Variants in SLC35E2B observed in about 807,000 individuals in gnomAD.
The protein encoded by SLC35E2B is solute carrier family 35, member E2B.
A neutral mutation model predicts 32.4 loss-of-function variants in SLC35E2B; 18 were observed. That is an observed-to-expected ratio of 0.56 (90% confidence interval 0.38 to 0.82). The LOEUF is 0.82. SLC35E2B is among the 40% of genes least tolerant of loss of function. The pLI, the probability that SLC35E2B is intolerant of heterozygous loss-of-function variation, is 0.00. For synonymous variants in SLC35E2B, 132 were observed against 209.1 expected, an observed-to-expected ratio of 0.63 and a Z score of 3.18; for missense variants, 263 against 469.5, an observed-to-expected ratio of 0.56 and a Z score of 4.06.
At chr1:1,680,630 G>A (rs545185889) in intron 2 of SLC35E2B, among the ~76,000 whole-genome samples, 62 of 152,180 alleles carry the variant, frequency 4.1e-4, no homozygotes, top group African/African-American at 9.4e-4. Context: ...TTGAGCCCAC[G>A]TGGTCCCGGG....
chr1:1,665,930 G>C lies in SLC35E2B; in HGVS notation c.1070C>G (p.Thr357Arg). ...CAGGACCCCAACGGTCACCAGGGCTGTGCCAACGGCCGACAAGCTGGTGAT... is the reference window on the plus strand; with the variant it reads ...CAGGACCCCAACGGTCACCAGGGCTCTGCCAACGGCCGACAAGCTGGTGAT... ...NKITSLSAVG[T>R]ALVTVGVLLY... The change falls in exon 10 of 10, where the codon ACA becomes AGA. Residue 357 changes from threonine to arginine, a missense_variant. Transcript: ENST00000617444. 6.4e-7 allele frequency: 1 copy of C among 1,551,486 alleles called. No individual in the cohort carries two copies. The highest frequency in any genetic ancestry group is 8.7e-7 in the Non-Finnish European group (1 of 1,146,982).
intron 2 of SLC35E2B, among the ~76,000 whole-genome samples, chr1:1,677,737 C>T (rs180962398): frequency 2.6e-5 from 4 of 151,898 alleles, no homozygotes; most frequent in African/African-American, 7.3e-5. Flanking sequence ...CCGCCCACCT[C>T]GGCCTCCTAA....
Position 1,663,265 on chromosome 1 carries a change from G to A in SLC35E2B, c.*2517C>T. 1 of 980,654 alleles carries A rather than the reference G, an allele frequency of 1.0e-6. No individual in the cohort carries two copies. The highest frequency in any genetic ancestry group is 1.2e-6 in the Non-Finnish European group (1 of 826,584). The allele number at this position is 980,654 out of a possible 1,614,324, so 60.7% of individuals were successfully genotyped here. A position where few individuals can be genotyped will look rare whatever the true frequency, so the allele number is the denominator to read the frequency against. Reference sequence around the variant, plus strand: ...AACAGGATGGCAGCTCCTTGTGAGGGTGGAGGGGAGGGCACCAGATGCTGT... The same window carrying A: ...AACAGGATGGCAGCTCCTTGTGAGGATGGAGGGGAGGGCACCAGATGCTGT... On this transcript the variant is annotated 3_prime_UTR_variant, in exon 10 of 10. Transcript: ENST00000617444.
At chr1:1,689,338 G>C (rs1330875761) in intron 2 of SLC35E2B, among the ~76,000 whole-genome samples, 1 of 151,830 alleles carries the variant, frequency 6.6e-6, no homozygotes, top group Non-Finnish European at 1.5e-5. Flanking sequence ...GCGACAATTA[G>C]TAACACTGAC....
chr1:1,673,494 C>T (rs1384501545), intron 5 of SLC35E2B: 1 of 247,888 alleles, frequency 4.0e-6, no homozygotes, highest in Non-Finnish European at 8.1e-6. Flanking sequence ...ATGGTGAAAC[C>T]CCATCTCTAC....
intron 2 of SLC35E2B, among the ~76,000 whole-genome samples, chr1:1,683,264 G>C (rs934873892): frequency 1.6e-4 from 24 of 152,210 alleles, no homozygotes; most frequent in Admixed American, 1.4e-3. Flanking sequence ...CCTGGGGAGA[G>C]TGCCAGGTCC....
At chr1:1,684,552 G>T (rs1643928118) in intron 2 of SLC35E2B, among the ~76,000 whole-genome samples, 1 of 152,114 alleles carries the variant, frequency 6.6e-6, no homozygotes, top group African/African-American at 2.4e-5. Context: ...AGCACTGTGG[G>T]AGGCCGAGGC....
At chr1:1,688,365 G>T (rs977264220) in intron 2 of SLC35E2B, among the ~76,000 whole-genome samples, 1 of 152,112 alleles carries the variant, frequency 6.6e-6, no homozygotes, top group Non-Finnish European at 1.5e-5. Flanking sequence ...CCAGCACTTT[G>T]GGAGGCTGAG....
intron 9 of SLC35E2B, among the ~76,000 whole-genome samples, 187 bp from the exon 10 acceptor site, chr1:1,666,206 T>C (rs986826210): frequency 6.6e-6 from 1 of 151,334 alleles, no homozygotes; most frequent in Non-Finnish European, 1.5e-5. Flanking sequence ...GGGGCGGGGG[T>C]GCTCAACGGG....
intron 2 of SLC35E2B, among the ~76,000 whole-genome samples, chr1:1,678,528 C>A (rs1414081422): frequency 6.6e-6 from 1 of 152,116 alleles, no homozygotes; most frequent in Non-Finnish European, 1.5e-5. Flanking sequence ...TCAGTGCCAC[C>A]CAGACGCTCC....
intron 9 of SLC35E2B, among the ~76,000 whole-genome samples, chr1:1,667,635 G>T (rs2101092280): frequency 6.6e-6 from 1 of 152,194 alleles, no homozygotes; most frequent in South Asian, 2.1e-4. Context: ...CACATTTCAA[G>T]TGCTCAGAAG....
At chr1:1,669,490 A>G (rs1001257187) in intron 8 of SLC35E2B, among the ~76,000 whole-genome samples, 174 bp downstream of exon 8, 4 of 152,248 alleles carry the variant, frequency 2.6e-5, no homozygotes, top group African/African-American at 4.8e-5. Flanking sequence ...TCACACAGAA[A>G]TCTGAGCTGC....
chr1:1,669,784 G>A (rs1187245888), intron 7 of SLC35E2B, 48 bp from the exon 8 acceptor site: 2 of 1,533,798 alleles, frequency 1.3e-6, no homozygotes, highest in African/African-American at 2.8e-5. Flanking sequence ...GACAGGCCGA[G>A]TTCACACGCA....
chr1:1,674,914 T>G (rs1395933156), intron 5 of SLC35E2B, among the ~76,000 whole-genome samples: 1 of 152,086 alleles, frequency 6.6e-6, no homozygotes, highest in East Asian at 1.9e-4. Context: ...GCAGCCACAC[T>G]GGGTACGCGA....
At chr1:1,681,029 C>CG (rs1446921272) in intron 2 of SLC35E2B, among the ~76,000 whole-genome samples, 2 of 151,440 alleles carry the variant, frequency 1.3e-5, no homozygotes, top group African/African-American at 4.9e-5. Context: ...ATCCTGAAGT[C>CG]CAAGTTCTCA....
chr1:1,671,350 C>T lies in SLC35E2B; in HGVS notation c.707+159G>A, dbSNP rs142490729. The stretch of plus-strand genomic sequence containing the variant: ...GCTTATTTTTGAGAAACTTACCTGC[C>T]GGGGATACCTGTTGTTTTGCTCTTT... On this transcript the variant is annotated intron_variant, in intron 6 of 9. Coordinates refer to ENST00000617444, the MANE Select transcript of SLC35E2B (RefSeq NM_001290264.2). 1.1e-3 allele frequency: 921 copies of T among 811,300 alleles called. 2 individuals carry two copies. The highest frequency in any genetic ancestry group is 4.3e-3 in the East Asian group (126 of 29,618). The allele number at this position is 811,300 out of a possible 1,614,324, so 50.3% of individuals were successfully genotyped here. A position where few individuals can be genotyped will look rare whatever the true frequency, so the allele number is the denominator to read the frequency against.
At position 1,665,983 on chromosome 1, in the gene SLC35E2B, C is replaced by G. The variant is rs1643534339; in HGVS notation, c.1017G>C (p.Trp339Cys). The change falls in exon 10 of 10, where the codon TGG becomes TGC. Residue 339 changes from tryptophan (W) to cysteine (C), a missense_variant. By Grantham distance (215) the Trp-to-Cys change is radical. Transcript: ENST00000617444. ...ASTVKHALSI[W>C]LSVIVFGNKI... is the part of the protein sequence containing the mutation. ...TGTTGCCGAAAACGATTACGCTGAG[C>G]CAGATGGACAAGGCATGTTTCACGG... The G allele has an allele frequency of 6.4e-7, 1 of 1,551,520 alleles. No homozygotes were observed. Among genetic ancestry groups the G allele is most frequent in the Non-Finnish European group, 8.7e-7 (1 of 1,146,978 alleles).
Position 1,671,581 on chromosome 1 carries a change from A to G in SLC35E2B, c.635T>C (p.Leu212Pro), listed in dbSNP as rs1185421030. Residue 212 changes from leucine to proline, a missense_variant, in exon 6 of 10, where the codon CTG (leucine) becomes CCG (proline). Leu to Pro is a moderately conservative substitution (Grantham distance 98, BLOSUM62 -3). Transcript: ENST00000617444. ...GAAGCTGATCTCAGTGGCCGTGCACAGCGCCAGCCCGCCCATGACTGGGAT... is the reference window on the plus strand; with the variant it reads ...GAAGCTGATCTCAGTGGCCGTGCACGGCGCCAGCCCGCCCATGACTGGGAT... ...SLIPVMGGLALCTATEISFNV... is the reference protein window; with the variant it reads ...SLIPVMGGLAPCTATEISFNV... 1 of 1,549,354 alleles carries G rather than the reference A, an allele frequency of 6.5e-7. No individual in the cohort carries two copies. Among genetic ancestry groups the G allele is most frequent in the South Asian group, 1.2e-5 (1 of 83,554 alleles).
chr1:1,680,319 TAAA>T (rs1050522571), intron 2 of SLC35E2B, among the ~76,000 whole-genome samples: 2 of 151,600 alleles, frequency 1.3e-5, no homozygotes, highest in Admixed American at 1.3e-4. Flanking sequence ...AAAAAAAAGT[TAAA>T]AAAAATTAAA....
Sources: allele counts gnomAD v4.1 joint callset (sites outside exome capture counted in the v4.1 genomes callset), GRCh38; gene constraint gnomAD v4.1.1; transcripts MANE v1.5; gene names NCBI Gene and HGNC (gene_info 2026-07-23, HGNC 2026-07-21).